Variants in CHURC1 observed in about 807,000 individuals in gnomAD.
CHURC1 encodes the protein churchill domain containing 1.
In CHURC1, 12 loss-of-function variants were observed where a neutral mutation model predicts 15.4. The observed-to-expected ratio is 0.78, with a 90% CI of 0.50 to 1.27. The LOEUF (loss-of-function observed/expected upper bound fraction) is 1.27, where lower values mean the gene tolerates loss of function less well. CHURC1 is among the 50% of genes most tolerant of loss of function. The pLI is 0.00. For missense variants in CHURC1, 132 were observed against 137.8 expected (o/e 0.96, Z 0.21); for synonymous variants, 42 against 47.5 (o/e 0.88, Z 0.48).
At chr14:64,918,084 A>G (rs1189903684) in intron 1 of CHURC1, among the ~76,000 whole-genome samples, 1 of 152,252 alleles carries the variant, frequency 6.6e-6, no homozygotes, top group East Asian at 1.9e-4. Flanking sequence ...CAAAGACTAA[A>G]TTAACTTCAG....
chr14:64,933,861 C>T lies in CHURC1; in HGVS notation c.*1631C>T. Reference sequence around the variant, plus strand: ...ATATCTGAGCTTTATTAAGTACTTACTACATGCTAAGAGCTTTTTAAGCAC... The same window carrying T: ...ATATCTGAGCTTTATTAAGTACTTATTACATGCTAAGAGCTTTTTAAGCAC... On this transcript the variant is annotated 3_prime_UTR_variant, in exon 4 of 4. Coordinates refer to ENST00000549115, the MANE Select transcript of CHURC1 (RefSeq NM_001386928.1). 1 of 983,942 alleles carries T rather than the reference C, an allele frequency of 1.0e-6. No homozygotes were observed. Among genetic ancestry groups the T allele is most frequent in the Non-Finnish European group, 1.2e-6 (1 of 828,606 alleles). 61.0% of individuals were successfully genotyped at this position (983,942 alleles called of 1,614,324 possible). A position where few individuals can be genotyped will look rare whatever the true frequency, so the allele number is the denominator to read the frequency against.
chr14:64,930,323 C>A (rs1323146199), intron 3 of CHURC1, among the ~76,000 whole-genome samples: 2 of 152,138 alleles, frequency 1.3e-5, no homozygotes, highest in Admixed American at 1.3e-4. Flanking sequence ...GAGATCTGTT[C>A]CTGGCATCCC....
At chr14:64,928,693 T>C (rs952775014) in intron 3 of CHURC1, among the ~76,000 whole-genome samples, 2 of 151,982 alleles carry the variant, frequency 1.3e-5, no homozygotes, top group African/African-American at 4.8e-5. Context: ...CCTTAGTTCT[T>C]TTCTCTCTTA....
At chr14:64,915,026 C>T (rs941246607) in intron 1 of CHURC1, among the ~76,000 whole-genome samples, 3 of 152,238 alleles carry the variant, frequency 2.0e-5, no homozygotes, top group African/African-American at 7.2e-5. Flanking sequence ...ATTTAGGTTT[C>T]CTGCCTGTTA....
At chr14:64,914,760 C>T (rs1038433920) in intron 1 of CHURC1, among the ~76,000 whole-genome samples, 3 of 152,222 alleles carry the variant, frequency 2.0e-5, no homozygotes, top group Non-Finnish European at 4.4e-5. Context: ...CTCTTGAGCT[C>T]CAAGGAGCAA....
At chr14:64,917,992 A>G (rs777124047) in intron 1 of CHURC1, among the ~76,000 whole-genome samples, 46 of 152,248 alleles carry the variant, frequency 3.0e-4, no homozygotes, top group Non-Finnish European at 2.2e-4. Flanking sequence ...AACTATGTAG[A>G]TAGATGAGTC....
chr14:64,916,548 T>C (rs1385337402), intron 1 of CHURC1, among the ~76,000 whole-genome samples: 1 of 152,114 alleles, frequency 6.6e-6, no homozygotes, highest in African/African-American at 2.4e-5. Context: ...CAGTAGAGAA[T>C]ATTAAAGAGA....
At chr14:64,914,734 A>C (rs1369784660) in intron 1 of CHURC1, among the ~76,000 whole-genome samples, 200 bp downstream of exon 1, 2 of 152,204 alleles carry the variant, frequency 1.3e-5, no homozygotes, top group African/African-American at 4.8e-5. Flanking sequence ...GGCTGACCTC[A>C]GTTGTAGTGG....
intron 3 of CHURC1, among the ~76,000 whole-genome samples, chr14:64,927,431 T>C (rs1040117050): frequency 7.9e-5 from 12 of 152,162 alleles, no homozygotes; most frequent in African/African-American, 2.9e-4. Context: ...ATAGCTATTT[T>C]CAAGACACTC....
In CHURC1 at chr14:64,933,795, A is replaced by T. The variant is rs558999295; in HGVS notation, c.*1565A>T. ...GAAATGAGCAAAGTGTTCATTGTAG[A>T]TACTAGGGAAAAGCTTTGTTGAATA... On this transcript the variant is annotated 3_prime_UTR_variant, in exon 4 of 4. Coordinates refer to ENST00000549115, the MANE Select transcript of CHURC1 (RefSeq NM_001386928.1). 1.0e-6 allele frequency: 1 copy of T among 985,428 alleles called. No individual in the cohort carries two copies. Among genetic ancestry groups the T allele is most frequent in the East Asian group, 1.1e-4 (1 of 8,824 alleles). The allele number at this position is 985,428 out of a possible 1,614,324, so 61.0% of individuals were successfully genotyped here. A position where few individuals can be genotyped will look rare whatever the true frequency, so the allele number is the denominator to read the frequency against.
At chr14:64,918,422 A>G (rs1413845545) in intron 1 of CHURC1, among the ~76,000 whole-genome samples, 2 of 152,210 alleles carry the variant, frequency 1.3e-5, no homozygotes, top group African/African-American at 4.8e-5. Context: ...AATGTCAAGG[A>G]TCCTTCCAAC....
At chr14:64,921,019 C>T (rs1359102868) in intron 1 of CHURC1, among the ~76,000 whole-genome samples, 1 of 152,088 alleles carries the variant, frequency 6.6e-6, no homozygotes, top group Non-Finnish European at 1.5e-5. Flanking sequence ...ATATATGTAT[C>T]AAGGGAACAG....
Position 64,914,532 on chromosome 14 carries a change from C to A in CHURC1, c.37C>A (p.Arg13=), listed in dbSNP as rs778496601. The change falls in exon 1 of 4, where the codon CGG becomes AGG. Residue 13 remains arginine, a splice_region_variant and synonymous_variant. Transcript: ENST00000549115. ...CTGTGTGGAGAAGGAATATCCCAAC[C>A]GGGTGAGCGACTGGGCGCTCCCTTG... ...GDCVEKEYPN[R]GNTCLENGSF... is the part of the protein sequence containing the mutation. 3 of 1,614,214 alleles carry A rather than the reference C, an allele frequency of 1.9e-6. No homozygotes were observed. The highest frequency in any genetic ancestry group is 2.2e-5 in the South Asian group (2 of 91,082).
chr14:64,933,645 A>C lies in CHURC1; in HGVS notation c.*1415A>C. The C allele has an allele frequency of 1.0e-6, 1 of 985,474 alleles. No homozygotes were observed. The highest frequency in any genetic ancestry group is 1.2e-6 in the Non-Finnish European group (1 of 829,924). 61.0% of individuals were successfully genotyped at this position (985,474 alleles called of 1,614,324 possible). A position where few individuals can be genotyped will look rare whatever the true frequency, so the allele number is the denominator to read the frequency against. On this transcript the variant is annotated 3_prime_UTR_variant, in exon 4 of 4. Coordinates refer to ENST00000549115, the MANE Select transcript of CHURC1 (RefSeq NM_001386928.1). ...AGAAAGCATGTAAAGTACTAGAAAC[A>C]ATGAGGTGGCTTCAATTAGTGCTCA...
At chr14:64,929,374 T>G (rs946707005) in intron 3 of CHURC1, among the ~76,000 whole-genome samples, 5 of 152,124 alleles carry the variant, frequency 3.3e-5, no homozygotes, top group African/African-American at 4.8e-5. Flanking sequence ...CTTCTCCCTT[T>G]TCTGAACTTT....
chr14:64,930,680 T>C (rs1472299592), intron 3 of CHURC1: 2 of 369,158 alleles, frequency 5.4e-6, no homozygotes, highest in Non-Finnish European at 1.0e-5. Flanking sequence ...GCAGAGCATG[T>C]AGGCACTCAG....
At position 64,933,438 on chromosome 14, in the gene CHURC1, G is replaced by A; in HGVS notation, c.*1208G>A. 1 of 985,456 alleles carries A rather than the reference G, an allele frequency of 1.0e-6. No individual in the cohort carries two copies. The highest frequency in any genetic ancestry group is 1.2e-6 in the Non-Finnish European group (1 of 829,936). The allele number at this position is 985,456 out of a possible 1,614,324, so 61.0% of individuals were successfully genotyped here. A position where few individuals can be genotyped will look rare whatever the true frequency, so the allele number is the denominator to read the frequency against. ...TGCATAGTTTCATGAGCACTGGCCA[G>A]GAGGTTATAAACTGGCATTTAGGCC... On this transcript the variant is annotated 3_prime_UTR_variant, in exon 4 of 4. Transcript: ENST00000549115.
At chr14:64,926,911 G>A (rs1884749476) in intron 3 of CHURC1, among the ~76,000 whole-genome samples, 1 of 152,180 alleles carries the variant, frequency 6.6e-6, no homozygotes, top group Non-Finnish European at 1.5e-5. Context: ...GAAAAGCTGG[G>A]CAGTCGGGGA....
At position 64,926,044 on chromosome 14, in the gene CHURC1, A is replaced by C. The variant is rs373132939; in HGVS notation, c.210A>C (p.Arg70Ser). The change falls in exon 3 of 4, where the codon AGA becomes AGC. Residue 70 changes from arginine to serine, a missense_variant. Physicochemically the swap from Arg to Ser is moderately radical, Grantham distance 110. Transcript: ENST00000549115. ...AGAATTGTCATCATGTAATAGCCAGACATGAGTATACATTCAGTATCATGG... is the reference window on the plus strand; with the variant it reads ...AGAATTGTCATCATGTAATAGCCAGCCATGAGTATACATTCAGTATCATGG... ...LCKNCHHVIA[R>S]HEYTFSIMDE... 52 of 1,602,778 alleles carry C rather than the reference A, an allele frequency of 3.2e-5. No homozygotes were observed. The African/African-American group carries it at 6.2e-4, about 19-fold the overall frequency.
Sources: gnomAD v4.1 joint callset for allele counts (sites outside exome capture counted in the v4.1 genomes callset) on GRCh38, gnomAD v4.1.1 for gene constraint, MANE v1.5 for transcripts, NCBI Gene and HGNC (gene_info 2026-07-23, HGNC 2026-07-21) for gene names.